The following PARD3B variants were observed in gnomAD, a reference collection of about 807,000 sequenced individuals.
PARD3B encodes par-3 family cell polarity regulator beta, also known as partitioning defective 3 homolog B.
In PARD3B, 103 loss-of-function variants were observed where a neutral mutation model predicts 130.2. That is an observed-to-expected ratio of 0.79 (90% CI 0.67 to 0.93). PARD3B has a LOEUF of 0.93. Among genes scored for constraint, PARD3B ranks in the 40% least tolerant of loss-of-function variants. The probability of loss-of-function intolerance (pLI) is 0.00; values close to 1 mark genes in which losing one functional copy is unlikely to be tolerated. For synonymous variants in PARD3B, 583 were observed against 553.2 expected (o/e 1.05, Z -0.76); for missense variants, 1,609 against 1,499.2 (o/e 1.07, Z -1.21).
intron 3 of PARD3B, among the ~76,000 whole-genome samples, chr2:205,037,214 TA>T (rs544962161): frequency 8.2e-5 from 12 of 147,116 alleles, no homozygotes; most frequent in Non-Finnish European, 1.6e-4. Flanking sequence ...GGACTATATA[TA>T]AAAATATGTA....
At position 205,300,778 on chromosome 2, in the gene PARD3B, AT is replaced by A; in HGVS notation, c.2392+44del. ...CCTTAAATGGCTTCTTCATCTCATT[AT>A]TATCTGCAAATCATGGGCAAGAATG... On this transcript the variant is annotated intron_variant, in intron 17 of 22. Coordinates refer to ENST00000406610, the MANE Select transcript of PARD3B (RefSeq NM_001302769.2). This position sits in a 1 kb window ranked among gnomAD's most constrained non-coding sequence, Gnocchi z 4.1. 2 of 1,562,092 alleles carry A rather than the reference AT, an allele frequency of 1.3e-6. No individual in the cohort carries two copies. The highest frequency in any genetic ancestry group is 1.9e-4 in the Middle Eastern group (1 of 5,172).
At chr2:204,728,746 T>C (rs2039353124) in intron 2 of PARD3B, among the ~76,000 whole-genome samples, 1 of 152,198 alleles carries the variant, frequency 6.6e-6, no homozygotes, top group South Asian at 2.1e-4. Context: ...GTAGCTGAGC[T>C]AGGATTTAAC....
At chr2:205,054,179 A>T (rs976331301) in intron 4 of PARD3B, among the ~76,000 whole-genome samples, 1 of 151,860 alleles carries the variant, frequency 6.6e-6, no homozygotes, top group Non-Finnish European at 1.5e-5. Context: ...TTTACTCTGC[A>T]GCAGAGTTTT....
chr2:205,396,461 G>A (rs1037531794), intron 18 of PARD3B, among the ~76,000 whole-genome samples: 4 of 152,130 alleles, frequency 2.6e-5, no homozygotes, highest in Non-Finnish European at 5.9e-5. Context: ...CCATGAATCT[G>A]TTTCATATGA....
At chr2:204,547,171 C>T (rs977156320) in intron 1 of PARD3B, among the ~76,000 whole-genome samples, 45 of 152,078 alleles carry the variant, frequency 3.0e-4, no homozygotes, top group African/African-American at 9.9e-4. Context: ...AACTTCTTAT[C>T]GGTTATCCAA....
chr2:205,466,367 A>C (rs2048623948), intron 20 of PARD3B, among the ~76,000 whole-genome samples: 1 of 152,152 alleles, frequency 6.6e-6, no homozygotes, highest in African/African-American at 2.4e-5. Flanking sequence ...TGTTTCCTGG[A>C]AGAGAGGGTA....
At chr2:205,119,099 A>G in intron 7 of PARD3B, 53 bp downstream of exon 7, 1 of 1,552,804 alleles carries the variant, frequency 6.4e-7, no homozygotes, top group South Asian at 1.3e-5. Flanking sequence ...GCATGGTTAT[A>G]AGCATTACTG....
At chr2:205,117,847 GT>G (rs1030348347) in intron 6 of PARD3B, among the ~76,000 whole-genome samples, 49 of 151,908 alleles carry the variant, frequency 3.2e-4, no homozygotes, top group African/African-American at 1.2e-3. Context: ...ATATGTATAA[GT>G]TCCATTTCTT....
At chr2:204,998,356 A>ATGTG (rs1272802972) in intron 3 of PARD3B, among the ~76,000 whole-genome samples, 7 of 65,058 alleles carry the variant, frequency 1.1e-4, no homozygotes, top group Middle Eastern at 6.7e-3. Flanking sequence ...ATATATATAT[A>ATGTG]TATGTGTGTG....
chr2:204,876,719 T>A (rs1312548251), intron 2 of PARD3B, among the ~76,000 whole-genome samples: 1 of 152,096 alleles, frequency 6.6e-6, no homozygotes, highest in Non-Finnish European at 1.5e-5. Flanking sequence ...CATGTCCAAT[T>A]TTTATTGGGT....
intron 2 of PARD3B, among the ~76,000 whole-genome samples, chr2:204,861,155 A>C: frequency 1.5e-5 from 2 of 129,210 alleles, no homozygotes; most frequent in African/African-American, 2.8e-5. Flanking sequence ...ATTGCTACCT[A>C]ATACCTTTCT....
intron 15 of PARD3B, among the ~76,000 whole-genome samples, chr2:205,237,262 G>T (rs886568589): frequency 1.3e-5 from 2 of 152,032 alleles, no homozygotes; most frequent in African/African-American, 4.8e-5. Flanking sequence ...ACCACGCCAG[G>T]CTAATTTTTT....
Position 204,891,732 on chromosome 2 carries a change from C to T in PARD3B, c.223-73420C>T, listed in dbSNP as rs181667445. Among the ~76,000 whole-genome samples, 5 of 152,256 alleles carry T rather than the reference C, an allele frequency of 3.3e-5. No homozygotes were observed. In the East Asian group the frequency reaches 9.7e-4, roughly 29 times the overall value. ...TACCTGGAGAGCTACCATTTGCCAG[C>T]TAATATTCAGCCCCAGATGTTCCCC... On this transcript the variant is annotated intron_variant, in intron 2 of 22. Coordinates refer to ENST00000406610, the MANE Select transcript of PARD3B (RefSeq NM_001302769.2).
intron 6 of PARD3B, among the ~76,000 whole-genome samples, chr2:205,117,918 C>CACACACACACACACACACACACACAT (rs1553617421): frequency 6.6e-6 from 1 of 150,898 alleles, no homozygotes; most frequent in African/African-American, 2.4e-5. Context: ...TATGTGTGTA[C>CACACACACACACACACACACACACAT]ACACACACAC....
intron 3 of PARD3B, among the ~76,000 whole-genome samples, chr2:205,026,519 T>G (rs1697043015): frequency 6.6e-6 from 1 of 152,206 alleles, no homozygotes; most frequent in Non-Finnish European, 1.5e-5. Context: ...AGTTACCATT[T>G]GTGCATGTGT....
chr2:204,599,811 A>G (rs1430008773), intron 1 of PARD3B, among the ~76,000 whole-genome samples: 3 of 151,948 alleles, frequency 2.0e-5, no homozygotes, highest in Non-Finnish European at 2.9e-5. Flanking sequence ...CCAACAGTGT[A>G]TAAGTGTTCC....
chr2:204,825,944 G>A (rs2043554144), intron 2 of PARD3B, among the ~76,000 whole-genome samples: 4 of 152,148 alleles, frequency 2.6e-5, no homozygotes, highest in Admixed American at 2.6e-4. Flanking sequence ...ACCTTAGCCT[G>A]AGATTGGCTG....
intron 2 of PARD3B, among the ~76,000 whole-genome samples, chr2:204,806,492 A>G (rs1180624715): frequency 6.6e-6 from 1 of 152,180 alleles, no homozygotes; most frequent in African/African-American, 2.4e-5. Context: ...TCAAATCAAA[A>G]TGGATTAAAG....
rs78253551 is a variant in PARD3B, at chr2:205,035,196, A to G, written c.395-12385A>G. Among the ~76,000 whole-genome samples the G allele has an allele frequency of 5.4e-3, 825 of 152,224 alleles. 1 individual carries two copies. Among genetic ancestry groups the G allele is most frequent in the Non-Finnish European group, 8.7e-3 (590 of 68,018 alleles). On this transcript the variant is annotated intron_variant, in intron 3 of 22. Coordinates refer to ENST00000406610, the MANE Select transcript of PARD3B (RefSeq NM_001302769.2). ...GTTCTTTAATCACCTCTCCATATGTAATATCAATTTCTGAGAGATTGAATA... is the reference window on the plus strand; with the variant it reads ...GTTCTTTAATCACCTCTCCATATGTGATATCAATTTCTGAGAGATTGAATA...
Sources: gnomAD v4.1 joint callset for allele counts (sites outside exome capture counted in the v4.1 genomes callset) on GRCh38, gnomAD v4.1.1 for gene constraint, Gnocchi (gnomAD v3.1) non-coding constraint, MANE v1.5 for transcripts, NCBI Gene and HGNC (gene_info 2026-07-23, HGNC 2026-07-21) for gene names.